The following MINDY3 variants were observed in gnomAD, a reference collection of about 807,000 sequenced individuals.
The protein encoded by MINDY3 is ubiquitin carboxyl-terminal hydrolase MINDY-3.
In MINDY3, 38 loss-of-function variants were observed where a neutral mutation model predicts 69.2. The ratio of observed to expected loss-of-function variants is 0.55; its 90% confidence interval spans 0.42 to 0.72. The LOEUF (loss-of-function observed/expected upper bound fraction) is 0.72, where lower values mean the gene tolerates loss of function less well. Ranked by LOEUF, MINDY3 falls within the 30% of genes least tolerant of loss-of-function variation. The pLI is 0.00. For synonymous variants in MINDY3, 192 were observed against 180.1 expected, an observed-to-expected ratio of 1.07 and a Z score of -0.53; for missense variants, 522 against 519.0, an observed-to-expected ratio of 1.01 and a Z score of -0.06.
Position 15,789,114 on chromosome 10 carries a change from C to G in MINDY3, c.1028+133G>C, listed in dbSNP as rs1156543709. On this transcript the variant is annotated intron_variant, in intron 12 of 14. Transcript: ENST00000277632. Reference sequence around the variant, plus strand: ...TATTGGATTAGTTCGATTTCTTAATCTTTGCCTTACATAGATTGCTATGCT... The same window carrying G: ...TATTGGATTAGTTCGATTTCTTAATGTTTGCCTTACATAGATTGCTATGCT... The G allele has an allele frequency of 1.1e-5, 6 of 529,044 alleles. No individual in the cohort carries two copies. The South Asian group carries it at 2.0e-4, about 18-fold the overall frequency. 32.8% of individuals were successfully genotyped at this position (529,044 alleles called of 1,614,324 possible).
At chr10:15,812,597 G>A (rs1839081798) in intron 10 of MINDY3, among the ~76,000 whole-genome samples, 1 of 152,170 alleles carries the variant, frequency 6.6e-6, no homozygotes, top group African/African-American at 2.4e-5. Flanking sequence ...TCTACGTGGT[G>A]CATCAGTCTA....
chr10:15,849,305 A>T (rs937074319), intron 1 of MINDY3, among the ~76,000 whole-genome samples: 1 of 152,200 alleles, frequency 6.6e-6, no homozygotes, highest in Non-Finnish European at 1.5e-5. Flanking sequence ...TAACACAGCT[A>T]AAGGGTAGTA....
intron 11 of MINDY3, among the ~76,000 whole-genome samples, chr10:15,791,556 G>T (rs926624345): frequency 6.6e-6 from 1 of 151,920 alleles, no homozygotes. Context: ...AAGCAAAAGA[G>T]GGCAGAGCAG....
At chr10:15,843,172 C>A (rs2132095897) in intron 3 of MINDY3, 40 bp downstream of exon 3, 3 of 1,516,042 alleles carry the variant, frequency 2.0e-6, no homozygotes, top group Non-Finnish European at 2.7e-6. Context: ...TCTATTAAAA[C>A]AGAGGAGGAA....
chr10:15,791,563 G>C (rs1389231285), intron 11 of MINDY3, among the ~76,000 whole-genome samples: 1 of 151,956 alleles, frequency 6.6e-6, no homozygotes, highest in Non-Finnish European at 1.5e-5. Context: ...AGAGGGCAGA[G>C]CAGCCAGGAT....
intron 10 of MINDY3, among the ~76,000 whole-genome samples, chr10:15,810,841 C>T (rs1414894965): frequency 6.6e-6 from 1 of 152,008 alleles, no homozygotes; most frequent in Non-Finnish European, 1.5e-5. Flanking sequence ...ACTCTTATAA[C>T]TCAATAACAA....
intron 1 of MINDY3, among the ~76,000 whole-genome samples, chr10:15,859,882 G>A (rs1379474627): frequency 1.3e-5 from 2 of 152,228 alleles, no homozygotes; most frequent in African/African-American, 4.8e-5. Context: ...TTGAGAAAGT[G>A]ACACCGGGGC....
chr10:15,814,394 AT>A (rs1839214537), intron 10 of MINDY3, among the ~76,000 whole-genome samples: 1 of 152,020 alleles, frequency 6.6e-6, no homozygotes, highest in African/African-American at 2.4e-5. Context: ...CTTAGGGGAT[AT>A]AAACGTCACT....
At chr10:15,856,823 G>C (rs1259706628) in intron 1 of MINDY3, among the ~76,000 whole-genome samples, 1 of 152,048 alleles carries the variant, frequency 6.6e-6, no homozygotes, top group Non-Finnish European at 1.5e-5. Context: ...TCTTATTTTG[G>C]TTCTGTTTGG....
At chr10:15,785,813 C>CTATT (rs1488694891) in intron 13 of MINDY3, among the ~76,000 whole-genome samples, 1 of 151,962 alleles carries the variant, frequency 6.6e-6, no homozygotes, top group Non-Finnish European at 1.5e-5. Context: ...TAAATTTTTT[C>CTATT]TATTTGTCAA....
At chr10:15,821,416 G>A (rs1839750670) in intron 9 of MINDY3, among the ~76,000 whole-genome samples, 2 of 151,746 alleles carry the variant, frequency 1.3e-5, no homozygotes, top group African/African-American at 4.8e-5. Context: ...ATTTTGTACT[G>A]GGTTCTGCCC....
intron 8 of MINDY3, among the ~76,000 whole-genome samples, chr10:15,825,538 T>G (rs1343569705): frequency 1.3e-5 from 2 of 152,198 alleles, no homozygotes; most frequent in African/African-American, 4.8e-5. Context: ...TAAAAGAGAA[T>G]GAAACAAACC....
chr10:15,848,926 T>G (rs762621064), intron 1 of MINDY3, among the ~76,000 whole-genome samples: 1 of 152,194 alleles, frequency 6.6e-6, no homozygotes, highest in Non-Finnish European at 1.5e-5. Flanking sequence ...TAATTGTTAC[T>G]ATTCAGACAT....
At chr10:15,808,574 G>A (rs905858058) in intron 10 of MINDY3, among the ~76,000 whole-genome samples, 25 of 152,072 alleles carry the variant, frequency 1.6e-4, no homozygotes, top group African/African-American at 6.0e-4. Flanking sequence ...TACATTCCCA[G>A]TAACAGATCC....
rs2131805823 is a variant in MINDY3 at position 15,778,334 on chromosome 10, G to A, written c.*658C>T. On this transcript the variant is annotated 3_prime_UTR_variant, in exon 15 of 15. Coordinates refer to ENST00000277632, the MANE Select transcript of MINDY3 (RefSeq NM_024948.4). Reference sequence around the variant, plus strand: ...GGGACAAATTTGGAAAAGTGTATTTGGCAATTACACAGTAAAAGTTAACAG... The same window carrying A: ...GGGACAAATTTGGAAAAGTGTATTTAGCAATTACACAGTAAAAGTTAACAG... 6.6e-6 allele frequency: 1 copy of A among 152,210 alleles called. No individual in the cohort carries two copies. The highest frequency in any genetic ancestry group is 1.9e-4 in the East Asian group (1 of 5,180). 9.4% of individuals were successfully genotyped at this position (152,210 alleles called of 1,614,324 possible).
intron 10 of MINDY3, among the ~76,000 whole-genome samples, chr10:15,811,909 T>C (rs1476122334): frequency 2.6e-5 from 4 of 152,112 alleles, no homozygotes; most frequent in Non-Finnish European, 1.5e-5. Flanking sequence ...ACATTTGCAA[T>C]AATGCTTAAT....
intron 6 of MINDY3, 78 bp from the exon 7 acceptor site, chr10:15,834,694 C>A: frequency 1.1e-6 from 1 of 889,848 alleles, no homozygotes. Flanking sequence ...GACTAGTTTA[C>A]ACTATAAACT....
At chr10:15,781,075 G>A (rs563411527) in intron 14 of MINDY3, among the ~76,000 whole-genome samples, 1 of 152,208 alleles carries the variant, frequency 6.6e-6, no homozygotes, top group East Asian at 1.9e-4. Context: ...TCAAACTCTA[G>A]ATGAAGCACT....
At chr10:15,855,673 T>G (rs1834640476) in intron 1 of MINDY3, among the ~76,000 whole-genome samples, 1 of 152,140 alleles carries the variant, frequency 6.6e-6, no homozygotes, top group African/African-American at 2.4e-5. Context: ...ATACACATTT[T>G]GCACACCATT....
Sources: gnomAD v4.1 joint callset for allele counts (sites outside exome capture counted in the v4.1 genomes callset) on GRCh38, gnomAD v4.1.1 for gene constraint, MANE v1.5 for transcripts, NCBI Gene and HGNC (gene_info 2026-07-23, HGNC 2026-07-21) for gene names.